Variants in LRP11 observed in about 807,000 individuals in gnomAD.
The protein encoded by LRP11 is low-density lipoprotein receptor-related protein 11.
Under a neutral mutation model 43.1 loss-of-function variants are expected in LRP11, and 25 were observed. That is an observed-to-expected ratio of 0.58 (90% CI 0.42 to 0.81). The LOEUF is 0.81. Among genes scored for constraint, LRP11 ranks in the 30% least tolerant of loss-of-function variants. The pLI is 0.00. For missense variants in LRP11, 623 were observed against 665.1 expected (o/e 0.94, Z 0.70); for synonymous variants, 316 against 299.4 (o/e 1.06, Z -0.57).
intron 5 of LRP11, among the ~76,000 whole-genome samples, chr6:149,833,361 A>G (rs967194114): frequency 6.6e-6 from 1 of 152,228 alleles, no homozygotes; most frequent in African/African-American, 2.4e-5. Context: ...GTCTGAACAG[A>G]AACTACAGGA....
chr6:149,825,742 A>G (rs1008653076), intron 6 of LRP11, among the ~76,000 whole-genome samples: 1 of 150,368 alleles, frequency 6.7e-6, no homozygotes, highest in Non-Finnish European at 1.5e-5. Context: ...TGCAGCCTCG[A>G]CCTCCCAGGC....
At chr6:149,851,293 C>T (rs993768553) in intron 2 of LRP11, among the ~76,000 whole-genome samples, 3 of 152,120 alleles carry the variant, frequency 2.0e-5, no homozygotes, top group Non-Finnish European at 4.4e-5. Flanking sequence ...ATCTGGATCA[C>T]AGTAGGTAAT....
At position 149,863,835 on chromosome 6, in the gene LRP11, G is replaced by A; in HGVS notation, c.186C>T (p.Phe62=). 1 of 1,511,814 alleles carries A rather than the reference G, an allele frequency of 6.6e-7. No homozygotes were observed. The highest frequency in any genetic ancestry group is 8.8e-7 in the Non-Finnish European group (1 of 1,139,072). The allele number at this position is 1,511,814 out of a possible 1,614,324, so 93.6% of individuals were successfully genotyped here. The change falls in exon 1 of 7, where the codon TTC becomes TTT. Residue 62 remains phenylalanine (F), a synonymous_variant. Transcript: ENST00000239367. ...LSGVEQLLEE[F]RRQLQQERPQ... ...GCCGCTCCTGCTGCAGTTGCCGGCG[G>A]AACTCCTCCAGCAGCTGCTCCACGC...
chr6:149,822,957 G>A (rs1344118654), intron 6 of LRP11, among the ~76,000 whole-genome samples: 1 of 152,102 alleles, frequency 6.6e-6, no homozygotes, highest in Non-Finnish European at 1.5e-5. Context: ...GCATAAAGGT[G>A]GTAGCTGCAG....
At chr6:149,842,056 TAA>T (rs1307992637) in intron 3 of LRP11, among the ~76,000 whole-genome samples, 1 of 152,266 alleles carries the variant, frequency 6.6e-6, no homozygotes, top group Non-Finnish European at 1.5e-5. Flanking sequence ...TGCATCTGCG[TAA>T]AGTGTCTATG....
chr6:149,853,594 C>T (rs1776755521), intron 1 of LRP11, among the ~76,000 whole-genome samples: 2 of 152,196 alleles, frequency 1.3e-5, no homozygotes, highest in African/African-American at 2.4e-5. Context: ...TGCAGCCTCT[C>T]CCTCCCGGGT....
intron 2 of LRP11, among the ~76,000 whole-genome samples, chr6:149,850,899 A>G (rs1210833523): frequency 6.6e-6 from 1 of 152,072 alleles, no homozygotes; most frequent in African/African-American, 2.4e-5. Context: ...CATCCACCAA[A>G]TGGGGATGTG....
At chr6:149,844,989 G>A (rs1274728557) in intron 2 of LRP11, among the ~76,000 whole-genome samples, 1 of 152,162 alleles carries the variant, frequency 6.6e-6, no homozygotes, top group East Asian at 1.9e-4. Context: ...CACTTACCAA[G>A]CCCACCCAGG....
intron 2 of LRP11, among the ~76,000 whole-genome samples, chr6:149,846,566 G>T (rs570031505): frequency 4.6e-5 from 7 of 152,182 alleles, no homozygotes; most frequent in Non-Finnish European, 1.0e-4. Flanking sequence ...TAGAAGGTTG[G>T]TGTGACGGGG....
intron 2 of LRP11, 73 bp downstream of exon 2, chr6:149,852,930 G>C: frequency 7.4e-7 from 1 of 1,349,982 alleles, no homozygotes; most frequent in Non-Finnish European, 1.0e-6. Context: ...TAGGGAGCAT[G>C]AAGTGGCAGG....
At chr6:149,849,889 G>A (rs1040570661) in intron 2 of LRP11, among the ~76,000 whole-genome samples, 2 of 152,156 alleles carry the variant, frequency 1.3e-5, no homozygotes, top group Admixed American at 1.3e-4. Flanking sequence ...TTCCTTGCAG[G>A]TTGAATACCT....
rs1389159953 is a variant in LRP11 at position 149,851,494 on chromosome 6, T to A, written c.771+1509A>T. On this transcript the variant is annotated intron_variant, in intron 2 of 6. Transcript: ENST00000239367. Reference sequence around the variant, plus strand: ...CTGAGAACAGCATACCAATTGGTGATGTTCTTTCTTTCTTTCTTTCTTTTT... The same window carrying A: ...CTGAGAACAGCATACCAATTGGTGAAGTTCTTTCTTTCTTTCTTTCTTTTT... 3.3e-5 allele frequency among the ~76,000 whole-genome samples: 5 copies of A among 152,156 alleles called. No individual in the cohort carries two copies. The East Asian group carries it at 9.6e-4, about 29-fold the overall frequency.
intron 2 of LRP11, among the ~76,000 whole-genome samples, chr6:149,848,090 C>T (rs1367712850): frequency 6.6e-6 from 1 of 152,130 alleles, no homozygotes; most frequent in African/African-American, 2.4e-5. Flanking sequence ...GTCACATGTT[C>T]AAACCTAACG....
intron 1 of LRP11, among the ~76,000 whole-genome samples, chr6:149,855,142 A>C (rs900078414): frequency 6.6e-6 from 1 of 152,178 alleles, no homozygotes; most frequent in African/African-American, 2.4e-5. Flanking sequence ...GTTTCCACTA[A>C]CCCTTTCCTG....
At chr6:149,833,675 A>T (rs1776436834) in intron 5 of LRP11, among the ~76,000 whole-genome samples, 2 of 152,186 alleles carry the variant, frequency 1.3e-5, no homozygotes, top group Non-Finnish European at 2.9e-5. Context: ...TTATTTTAAT[A>T]ATTAGAAAAA....
At chr6:149,856,126 A>AT (rs61684262) in intron 1 of LRP11, among the ~76,000 whole-genome samples, 23,914 of 152,214 alleles carry the variant, frequency 0.16, 5,502 homozygotes, top group African/African-American at 0.51. Context: ...TTAAAAATAC[A>AT]TTTTTAAGTA....
chr6:149,847,824 TACACACACACACAC>T (rs57292379), intron 2 of LRP11, among the ~76,000 whole-genome samples: 7,573 of 131,098 alleles, frequency 0.058, 430 homozygotes, highest in African/African-American at 0.15. Flanking sequence ...TAAACTAAAT[TACACACACACACAC>T]ACACACACAC....
intron 5 of LRP11, among the ~76,000 whole-genome samples, chr6:149,833,375 G>A (rs556699881): frequency 1.3e-5 from 2 of 152,314 alleles, no homozygotes; most frequent in South Asian, 4.1e-4. Flanking sequence ...TACAGGATGT[G>A]AGGGCTCTTT....
At chr6:149,825,261 A>G (rs1776324173) in intron 6 of LRP11, among the ~76,000 whole-genome samples, 1 of 152,222 alleles carries the variant, frequency 6.6e-6, no homozygotes, top group African/African-American at 2.4e-5. Context: ...GATGGTTTCC[A>G]AAGTCTTTTC....
Sources: allele counts gnomAD v4.1 joint callset (sites outside exome capture counted in the v4.1 genomes callset), GRCh38; gene constraint gnomAD v4.1.1; transcripts MANE v1.5; gene names NCBI Gene and HGNC (gene_info 2026-07-23, HGNC 2026-07-21).